The following GRM7 variants were observed in gnomAD, a reference collection of about 807,000 sequenced individuals.
GRM7 encodes the protein metabotropic glutamate receptor 7.
In GRM7, 35 loss-of-function variants were observed where a neutral mutation model predicts 84.5. The observed-to-expected ratio is 0.41, with a 90% confidence interval of 0.32 to 0.55. The LOEUF is 0.55. Among genes scored for constraint, GRM7 ranks in the 20% least tolerant of loss-of-function variants. The pLI is 0.19. For synonymous variants in GRM7, 487 were observed against 455.1 expected, an observed-to-expected ratio of 1.07 and a Z score of -0.89; for missense variants, 1,003 against 1,194.6, an observed-to-expected ratio of 0.84 and a Z score of 2.36.
At chr3:6,994,417 C>G (rs552488047) in intron 1 of GRM7, among the ~76,000 whole-genome samples, 33 of 152,252 alleles carry the variant, frequency 2.2e-4, no homozygotes, top group African/African-American at 7.7e-4. Context: ...TCCCTGTTTT[C>G]ATGTTAATGA....
chr3:6,890,472 T>A (rs1351761520), intron 1 of GRM7, among the ~76,000 whole-genome samples: 2 of 152,152 alleles, frequency 1.3e-5, no homozygotes. Context: ...TTTATTTCTG[T>A]CTTCATTCCG....
rs1339844646 is a variant in GRM7, at chr3:7,572,845, T to A, written c.1516-5577T>A. ...TCAAATATATATATATATATATATA[T>A]ATATATATATATATATATATATATA... is the stretch of plus-strand genomic sequence containing the variant. On this transcript the variant is annotated intron_variant, in intron 7 of 9. Coordinates refer to ENST00000357716, the MANE Select transcript of GRM7 (RefSeq NM_000844.4). Among the ~76,000 whole-genome samples, 84 of 18,518 alleles carry A rather than the reference T, an allele frequency of 4.5e-3. 10 individuals carry two copies. In the South Asian group the frequency reaches 0.086, roughly 19 times the overall value. The allele number at this position is 18,518 out of a possible 152,430, so 12.1% of individuals were successfully genotyped here.
chr3:7,659,361 G>A (rs1244492351), intron 8 of GRM7, among the ~76,000 whole-genome samples: 2 of 152,068 alleles, frequency 1.3e-5, no homozygotes, highest in Non-Finnish European at 2.9e-5. Flanking sequence ...TGAGCTACTG[G>A]GAAAGAGAAA....
chr3:7,228,155 A>G (rs1419898956), intron 2 of GRM7, among the ~76,000 whole-genome samples: 1 of 152,160 alleles, frequency 6.6e-6, no homozygotes, highest in Non-Finnish European at 1.5e-5. Flanking sequence ...ACCTGTGGGT[A>G]AGGTGACCCC....
At chr3:6,953,579 C>T (rs372724253) in intron 1 of GRM7, among the ~76,000 whole-genome samples, 23 of 152,308 alleles carry the variant, frequency 1.5e-4, no homozygotes, top group East Asian at 1.4e-3. Context: ...CTTAAGGGAG[C>T]CTTCTTCTTT....
Position 7,578,525 on chromosome 3 carries a change from C to T in GRM7, c.1619C>T (p.Pro540Leu), listed in dbSNP as rs985124222. 1.2e-6 allele frequency: 2 copies of T among 1,613,852 alleles called. No individual in the cohort carries two copies. Among genetic ancestry groups the T allele is most frequent in the Non-Finnish European group, 1.7e-6 (2 of 1,179,884 alleles). The stretch of plus-strand genomic sequence containing the variant: ...AGAAAGAAGACACAGAAAGGAACTC[C>T]TTGCTGTTGGACCTGTGAGCCTTGC... ...GQRKKTQKGTPCCWTCEPCDG... is the reference protein window; with the variant it reads ...GQRKKTQKGTLCCWTCEPCDG... Residue 540 changes from proline (P) to leucine (L), a missense_variant, in exon 8 of 10, where the codon CCT becomes CTT. This residue lies in a region of GRM7 where 910 missense variants were observed against 1,126.0 expected (regional missense o/e 0.81). Transcript: ENST00000357716.
chr3:7,513,073 T>A (rs1700266828), intron 7 of GRM7, among the ~76,000 whole-genome samples: 1 of 152,212 alleles, frequency 6.6e-6, no homozygotes, highest in Admixed American at 6.5e-5. Context: ...GGAATTGCTT[T>A]CAATTCTTAG....
chr3:7,250,648 C>T (rs1047476866), intron 2 of GRM7, among the ~76,000 whole-genome samples: 1 of 148,766 alleles, frequency 6.7e-6, no homozygotes, highest in African/African-American at 2.5e-5. Context: ...CTCAGCCTCC[C>T]AAGTAGCTGG....
chr3:7,029,558 A>T (rs1446922842), intron 1 of GRM7, among the ~76,000 whole-genome samples: 1 of 152,184 alleles, frequency 6.6e-6, no homozygotes, highest in African/African-American at 2.4e-5. Flanking sequence ...ATGCTACAAC[A>T]CAAATGAACC....
intron 4 of GRM7, among the ~76,000 whole-genome samples, chr3:7,338,398 A>C (rs1350017445): frequency 6.6e-6 from 1 of 152,092 alleles, no homozygotes; most frequent in African/African-American, 2.4e-5. Context: ...TGCAGTGTAC[A>C]CTGTAGGGGT....
chr3:7,645,667 T>C (rs764230127), intron 8 of GRM7, among the ~76,000 whole-genome samples: 28 of 148,630 alleles, frequency 1.9e-4, no homozygotes, highest in Middle Eastern at 3.6e-3. Flanking sequence ...AGACAGAAAA[T>C]CTTAACTTGG....
At chr3:7,141,061 T>G (rs375060545) in intron 1 of GRM7, among the ~76,000 whole-genome samples, 4 of 152,124 alleles carry the variant, frequency 2.6e-5, no homozygotes, top group African/African-American at 9.6e-5. Context: ...ATGATACTAG[T>G]TGGTTTTTAA....
chr3:7,366,257 AAT>A (rs796808013), intron 4 of GRM7, among the ~76,000 whole-genome samples: 7 of 152,030 alleles, frequency 4.6e-5, no homozygotes, highest in African/African-American at 1.7e-4. Context: ...TCCTCTGCAG[AAT>A]TACAAGCCTG....
chr3:7,009,839 C>A (rs1444873060), intron 1 of GRM7, among the ~76,000 whole-genome samples: 1 of 152,202 alleles, frequency 6.6e-6, no homozygotes, highest in Middle Eastern at 3.4e-3. Context: ...ATCTGAGAAA[C>A]CCCTGAAATT....
At chr3:7,440,867 G>A (rs985812503) in intron 5 of GRM7, among the ~76,000 whole-genome samples, 1 of 152,078 alleles carries the variant, frequency 6.6e-6, no homozygotes, top group Non-Finnish European at 1.5e-5. Context: ...TGGTGTATAT[G>A]TACTACATTT....
chr3:6,911,254 G>A (rs1274647700), intron 1 of GRM7, among the ~76,000 whole-genome samples: 1 of 151,878 alleles, frequency 6.6e-6, no homozygotes, highest in Non-Finnish European at 1.5e-5. Context: ...TTCTCCCTCA[G>A]CCTTTATTTG....
chr3:7,146,753 A>G (rs1694123341), intron 2 of GRM7, 85 bp downstream of exon 2: 1 of 871,146 alleles, frequency 1.1e-6, no homozygotes, highest in Admixed American at 2.0e-5. Context: ...TTAAATAAAC[A>G]CTACAGACTC....
At chr3:7,449,442 T>C (rs1348710572) in intron 5 of GRM7, among the ~76,000 whole-genome samples, 1 of 152,130 alleles carries the variant, frequency 6.6e-6, no homozygotes, top group East Asian at 1.9e-4. Context: ...GACCACCAAG[T>C]TGCTAGATTT....
intron 2 of GRM7, among the ~76,000 whole-genome samples, chr3:7,267,634 C>T (rs1223705204): frequency 1.3e-5 from 2 of 152,180 alleles, no homozygotes; most frequent in Non-Finnish European, 1.5e-5. Flanking sequence ...TCATCAGGTG[C>T]TGATGCTAAG....
Sources: gnomAD v4.1 joint callset for allele counts (sites outside exome capture counted in the v4.1 genomes callset) on GRCh38, gnomAD v4.1.1 for gene constraint, gnomAD v4.1.1 regional missense constraint, MANE v1.5 for transcripts, NCBI Gene and HGNC (gene_info 2026-07-23, HGNC 2026-07-21) for gene names.